NALCN: variants seen among roughly 807,000 people sequenced by gnomAD.
NALCN encodes the protein sodium leak channel NALCN.
Under a neutral mutation model 225.3 loss-of-function variants are expected in NALCN, and 111 were observed. The observed-to-expected ratio is 0.49, with a 90% CI of 0.42 to 0.58. NALCN has a LOEUF of 0.58. Ranked by LOEUF, NALCN falls within the 20% of genes least tolerant of loss-of-function variation. NALCN has a pLI of 0.00. For missense variants in NALCN, 1,378 were observed against 2,202.4 expected (o/e 0.63, Z 7.49); for synonymous variants, 764 against 769.0 (o/e 0.99, Z 0.11).
chr13:101,228,520 C>G (rs1023279050), intron 13 of NALCN, among the ~76,000 whole-genome samples: 3 of 152,112 alleles, frequency 2.0e-5, no homozygotes, highest in Non-Finnish European at 4.4e-5. Flanking sequence ...CTCACGAGAT[C>G]TGATGGTTTT....
chr13:101,280,276 T>TC (rs1385325638), intron 10 of NALCN, among the ~76,000 whole-genome samples: 2 of 151,966 alleles, frequency 1.3e-5, no homozygotes, highest in Non-Finnish European at 2.9e-5. Context: ...CTGACCCCTT[T>TC]CCCCCCAGTT....
chr13:101,310,463 T>A (rs1321736907), intron 7 of NALCN, among the ~76,000 whole-genome samples: 2 of 152,118 alleles, frequency 1.3e-5, no homozygotes, highest in Admixed American at 6.5e-5. Context: ...CAGAGAGCCA[T>A]GTGACTTGCC....
At chr13:101,200,727 C>G (rs1466669742) in intron 13 of NALCN, among the ~76,000 whole-genome samples, 1 of 152,084 alleles carries the variant, frequency 6.6e-6, no homozygotes, top group Admixed American at 6.6e-5. Context: ...CCCAAGAACC[C>G]ATTTCTGACC....
intron 1 of NALCN, among the ~76,000 whole-genome samples, chr13:101,405,335 T>C (rs1030343170): frequency 6.6e-6 from 1 of 152,220 alleles, no homozygotes; most frequent in Non-Finnish European, 1.5e-5. Flanking sequence ...TTTTATGCTA[T>C]GGTTTCAACT....
chr13:101,076,839 T>A lies in NALCN; in HGVS notation c.3886-898A>T, dbSNP rs922618600. ...GTTTAAGATTTCCTCTCTGAGGTTA[T>A]CTGGGATTAGAGAGTCTACTTGACT... On this transcript the variant is annotated intron_variant, in intron 34 of 43. Transcript: ENST00000251127. Among the ~76,000 whole-genome samples the A allele has an allele frequency of 1.1e-4, 17 of 152,350 alleles. 1 individual carries two copies. The highest frequency in any genetic ancestry group is 8.5e-4 in the Admixed American group (13 of 15,304).
chr13:101,120,535 AC>A (rs1268797704), intron 18 of NALCN, among the ~76,000 whole-genome samples: 73 of 148,520 alleles, frequency 4.9e-4, no homozygotes, highest in African/African-American at 1.6e-3. Flanking sequence ...AAAAAAAAAA[AC>A]CACTATAAAA....
At chr13:101,131,281 A>G (rs917754812) in intron 17 of NALCN, among the ~76,000 whole-genome samples, 3 of 152,102 alleles carry the variant, frequency 2.0e-5, no homozygotes, top group African/African-American at 7.2e-5. Flanking sequence ...ACGTTTTTGT[A>G]GGTTGCTTTC....
rs570080243 is a variant in NALCN, at chr13:101,187,279, G to A, written c.1764+4638C>T. ...ATTAAACTTTATCAAAGTTATGTAT[G>A]TATAATAAAACACATAGTATATATA... On this transcript the variant is annotated intron_variant, in intron 14 of 43. Transcript: ENST00000251127. Among the ~76,000 whole-genome samples, 304 of 152,274 alleles carry A rather than the reference G, an allele frequency of 2.0e-3. 1 individual carries two copies. Among genetic ancestry groups the A allele is most frequent in the African/African-American group, 7.1e-3 (297 of 41,552 alleles).
In NALCN at chr13:101,180,204, C is replaced by CTTTTTTTT. The variant is rs71200724; in HGVS notation, c.1765-3838_1765-3831dup. Among the ~76,000 whole-genome samples, 403 of 109,936 alleles carry CTTTTTTTT rather than the reference C, an allele frequency of 3.7e-3. 9 individuals are homozygous for CTTTTTTTT. The highest frequency in any genetic ancestry group is 5.7e-3 in the Non-Finnish European group (304 of 53,162). The allele number at this position is 109,936 out of a possible 152,430, so 72.1% of individuals were successfully genotyped here. A position where few individuals can be genotyped will look rare whatever the true frequency, so the allele number is the denominator to read the frequency against. ...TAATCCACTATACTCTCCACCTGGT[C>CTTTTTTTT]TTTTTTTTTTTTTTTTTTTTGAGAC... is the stretch of plus-strand genomic sequence containing the variant. On this transcript the variant is annotated intron_variant, in intron 14 of 43. Transcript: ENST00000251127.
chr13:101,077,316 G>A (rs1167757385), intron 34 of NALCN, among the ~76,000 whole-genome samples: 2 of 152,198 alleles, frequency 1.3e-5, no homozygotes, highest in Non-Finnish European at 2.9e-5. Flanking sequence ...ACCTGAAAAT[G>A]TGGAAGCGAC....
chr13:101,203,563 T>C (rs1594428290), intron 13 of NALCN, among the ~76,000 whole-genome samples: 4 of 152,330 alleles, frequency 2.6e-5, no homozygotes, highest in African/African-American at 9.6e-5. Flanking sequence ...TGGTCATATA[T>C]GGTGTGATTC....
At chr13:101,414,631 C>T (rs547206420) in intron 1 of NALCN, among the ~76,000 whole-genome samples, 4 of 152,324 alleles carry the variant, frequency 2.6e-5, no homozygotes, top group African/African-American at 7.2e-5. Context: ...CTTCAGTTCA[C>T]TAAATTGCAA....
chr13:101,327,039 G>A (rs2044979276), intron 7 of NALCN, among the ~76,000 whole-genome samples: 1 of 152,068 alleles, frequency 6.6e-6, no homozygotes, highest in African/African-American at 2.4e-5. Context: ...TTATCTCAAG[G>A]GGAAAGAAAG....
intron 27 of NALCN, among the ~76,000 whole-genome samples, chr13:101,100,161 A>G (rs1170628781): frequency 6.6e-6 from 1 of 152,148 alleles, no homozygotes; most frequent in Non-Finnish European, 1.5e-5. Flanking sequence ...TCTAATGGGG[A>G]GAAAGCTGAG....
chr13:101,090,087 CATAT>C, intron 28 of NALCN, 121 bp from the exon 29 acceptor site: 1 of 1,341,222 alleles, frequency 7.5e-7, no homozygotes, highest in East Asian at 2.3e-5. Flanking sequence ...TATACACACA[CATAT>C]ATACACACAC....
At chr13:101,335,754 A>G (rs1272546608) in intron 7 of NALCN, among the ~76,000 whole-genome samples, 1 of 151,902 alleles carries the variant, frequency 6.6e-6, no homozygotes, top group African/African-American at 2.4e-5. Context: ...ATATTTTACA[A>G]ATTAGTCTTT....
At chr13:101,278,931 C>T (rs2043054538) in intron 10 of NALCN, among the ~76,000 whole-genome samples, 1 of 152,126 alleles carries the variant, frequency 6.6e-6, no homozygotes, top group South Asian at 2.1e-4. Flanking sequence ...AGCTTCTAAG[C>T]GAGAGGTCAA....
Position 101,399,130 on chromosome 13 carries a change from G to A in NALCN, c.-4C>T, listed in dbSNP as rs375272205. On this transcript the variant is annotated 5_prime_UTR_variant, in exon 2 of 44. Coordinates refer to ENST00000251127, the MANE Select transcript of NALCN (RefSeq NM_052867.4). ...AACTCTGCTTCCTTTTGAGCATGCTGAGGTTAGCTTTGGTGAGCAAGCACA... is the reference window on the plus strand; with the variant it reads ...AACTCTGCTTCCTTTTGAGCATGCTAAGGTTAGCTTTGGTGAGCAAGCACA... 19 of 1,613,086 alleles carry A rather than the reference G, an allele frequency of 1.2e-5. No individual in the cohort carries two copies. The African/African-American group carries it at 2.1e-4, about 18-fold the overall frequency.
intron 7 of NALCN, among the ~76,000 whole-genome samples, chr13:101,321,276 G>A (rs1430391701): frequency 2.0e-5 from 3 of 151,936 alleles, no homozygotes; most frequent in Non-Finnish European, 4.4e-5. Flanking sequence ...AAGTCCAGAA[G>A]GAAAATGGGC....
Sources: allele counts gnomAD v4.1 joint callset (sites outside exome capture counted in the v4.1 genomes callset), GRCh38; gene constraint gnomAD v4.1.1; transcripts MANE v1.5; gene names NCBI Gene and HGNC (gene_info 2026-07-23, HGNC 2026-07-21).